DIP2C: variants seen among roughly 807,000 people sequenced by gnomAD.
The protein encoded by DIP2C is DIP2 acetate--CoA ligase C (putative).
A neutral mutation model predicts 192.4 loss-of-function variants in DIP2C; 33 were observed. That is an observed-to-expected ratio of 0.17 (90% CI 0.13 to 0.23). DIP2C has a LOEUF of 0.23. DIP2C is among the 10% of genes least tolerant of loss of function. DIP2C has a pLI of 1.00. For synonymous variants in DIP2C, 979 were observed against 864.1 expected, an observed-to-expected ratio of 1.13 and a Z score of -2.33; for missense variants, 1,537 against 2,110.1, an observed-to-expected ratio of 0.73 and a Z score of 5.32.
chr10:289,188 C>G (rs1410360655), intron 32 of DIP2C, among the ~76,000 whole-genome samples: 1 of 151,854 alleles, frequency 6.6e-6, no homozygotes. Context: ...AATCACAGGA[C>G]GACATGCCTC....
At chr10:567,282 A>G in intron 1 of DIP2C, among the ~76,000 whole-genome samples, 1 of 152,166 alleles carries the variant, frequency 6.6e-6, no homozygotes, top group Non-Finnish European at 1.5e-5. Flanking sequence ...TCTACCTCCC[A>G]GATTCAAGCA....
At chr10:581,944 G>A (rs1454831817) in intron 1 of DIP2C, among the ~76,000 whole-genome samples, 1 of 152,080 alleles carries the variant, frequency 6.6e-6, no homozygotes, top group African/African-American at 2.4e-5. Flanking sequence ...GGGTGGTTTT[G>A]GAATGAAACC....
chr10:655,498 T>G (rs1044049283), intron 1 of DIP2C, among the ~76,000 whole-genome samples: 1 of 152,182 alleles, frequency 6.6e-6, no homozygotes, highest in African/African-American at 2.4e-5. Context: ...CTACGCTACG[T>G]AATACTCACT....
rs544169221 is a variant in DIP2C at position 445,448 on chromosome 10, T to G, written c.269-4452A>C. Among the ~76,000 whole-genome samples, 26 of 150,864 alleles carry G rather than the reference T, an allele frequency of 1.7e-4. No homozygotes were observed. The South Asian group carries it at 4.8e-3, about 28-fold the overall frequency. On this transcript the variant is annotated intron_variant, in intron 3 of 36. Coordinates refer to ENST00000280886, the MANE Select transcript of DIP2C (RefSeq NM_014974.3). The stretch of plus-strand genomic sequence containing the variant: ...GCACTGGACATCTGTATATATCTGT[T>G]GTGAAGAGTCTCACAGGCCCACTGG...
intron 32 of DIP2C, among the ~76,000 whole-genome samples, chr10:306,884 C>T (rs570770791): frequency 9.2e-5 from 14 of 152,346 alleles, no homozygotes; most frequent in African/African-American, 3.1e-4. Flanking sequence ...TGAGCACCCC[C>T]AGAGCTCCTG....
chr10:421,120 A>T (rs1262490858), intron 5 of DIP2C, among the ~76,000 whole-genome samples: 2 of 152,240 alleles, frequency 1.3e-5, no homozygotes, highest in African/African-American at 2.4e-5. Context: ...TCAAAGTTAC[A>T]GAAAATTTCC....
chr10:534,422 T>C (rs909245083), intron 1 of DIP2C, among the ~76,000 whole-genome samples: 1 of 152,208 alleles, frequency 6.6e-6, no homozygotes, highest in African/African-American at 2.4e-5. Flanking sequence ...AGCCCCGACC[T>C]TCATCTTATA....
intron 32 of DIP2C, among the ~76,000 whole-genome samples, chr10:299,768 G>A (rs1339345085): frequency 6.6e-6 from 1 of 152,176 alleles, no homozygotes; most frequent in African/African-American, 2.4e-5. Flanking sequence ...TATCCAGAAT[G>A]TGTAAGGGAC....
chr10:585,538 G>T (rs1268612640), intron 1 of DIP2C, among the ~76,000 whole-genome samples: 2 of 152,196 alleles, frequency 1.3e-5, no homozygotes, highest in African/African-American at 4.8e-5. Context: ...CACACATCCT[G>T]AAGCTCCAAC....
chr10:681,031 G>C (rs1453853194), intron 1 of DIP2C, among the ~76,000 whole-genome samples: 1 of 151,524 alleles, frequency 6.6e-6, no homozygotes, highest in Non-Finnish European at 1.5e-5. Context: ...CAGTTGCATG[G>C]TACAGCTACC....
intron 1 of DIP2C, chr10:650,556 G>A: frequency 1.5e-6 from 1 of 645,202 alleles, no homozygotes; most frequent in Non-Finnish European, 2.8e-6. Context: ...CCTGAGAATG[G>A]GATGCAGAGC....
intron 31 of DIP2C, among the ~76,000 whole-genome samples, chr10:323,116 A>G (rs868185693): frequency 3.1e-4 from 4 of 12,702 alleles, no homozygotes; most frequent in South Asian, 8.5e-3. Flanking sequence ...CCGGCGAGAG[A>G]CCGGCGCTGT....
chr10:537,369 T>C (rs1031173445), intron 1 of DIP2C, among the ~76,000 whole-genome samples: 2 of 152,232 alleles, frequency 1.3e-5, no homozygotes, highest in African/African-American at 4.8e-5. Flanking sequence ...TATTTAAAAC[T>C]GTTTCTAAAA....
chr10:544,234 C>T (rs1848162253), intron 1 of DIP2C, among the ~76,000 whole-genome samples: 1 of 152,212 alleles, frequency 6.6e-6, no homozygotes, highest in Non-Finnish European at 1.5e-5. Context: ...ACCTTTGGTG[C>T]TGGCATCTTT....
chr10:292,207 A>G (rs1955527031), intron 32 of DIP2C, among the ~76,000 whole-genome samples: 1 of 152,230 alleles, frequency 6.6e-6, no homozygotes. Context: ...AACGTGCATT[A>G]CTGCTGCCCA....
At chr10:518,849 C>T (rs1441581967) in intron 1 of DIP2C, among the ~76,000 whole-genome samples, 6 of 152,330 alleles carry the variant, frequency 3.9e-5, no homozygotes, top group Admixed American at 3.9e-4. Flanking sequence ...CAGATCCCAC[C>T]TCCAGCAGTT....
At chr10:516,981 G>A (rs986726282) in intron 1 of DIP2C, among the ~76,000 whole-genome samples, 2 of 151,520 alleles carry the variant, frequency 1.3e-5, no homozygotes, top group Admixed American at 1.3e-4. Context: ...CCCAGCAATG[G>A]CCACAGGAAG....
At chr10:613,490 GT>G (rs1374187296) in intron 1 of DIP2C, among the ~76,000 whole-genome samples, 1 of 152,182 alleles carries the variant, frequency 6.6e-6, no homozygotes, top group African/African-American at 2.4e-5. Flanking sequence ...CCTAAAACTG[GT>G]TCCACTGGTT....
chr10:550,532 GAT>G (rs1263826155), intron 1 of DIP2C, among the ~76,000 whole-genome samples: 1 of 152,032 alleles, frequency 6.6e-6, no homozygotes, highest in Non-Finnish European at 1.5e-5. Context: ...GTTTACTATA[GAT>G]ATCAACATTC....
Sources: gnomAD v4.1 joint callset for allele counts (sites outside exome capture counted in the v4.1 genomes callset) on GRCh38, gnomAD v4.1.1 for gene constraint, MANE v1.5 for transcripts, NCBI Gene and HGNC (gene_info 2026-07-23, HGNC 2026-07-21) for gene names.